The following KCNJ16 variants were observed in gnomAD, a reference collection of about 807,000 sequenced individuals.
The protein encoded by KCNJ16 is potassium inwardly rectifying channel subfamily J member 16, also known as inward rectifier potassium channel 16.
A neutral mutation model predicts 18.5 loss-of-function variants in KCNJ16; 15 were observed. The ratio of observed to expected loss-of-function variants is 0.81; its 90% CI spans 0.54 to 1.25. KCNJ16 has a LOEUF of 1.25. Ranked by LOEUF, KCNJ16 falls within the 50% of genes most tolerant of loss-of-function variation. The probability of loss-of-function intolerance (pLI) is 0.00; values close to 1 mark genes in which losing one functional copy is unlikely to be tolerated. For missense variants in KCNJ16, 523 were observed against 525.7 expected, an observed-to-expected ratio of 0.99 and a Z score of 0.05; for synonymous variants, 174 against 186.5, an observed-to-expected ratio of 0.93 and a Z score of 0.55.
At chr17:70,128,844 G>A (rs532691616) in intron 2 of KCNJ16, 2 of 152,388 alleles carry the variant, frequency 1.3e-5, no homozygotes, top group East Asian at 3.9e-4. Context: ...GAGCGCCTGG[G>A]TACAGACGGG....
intron 2 of KCNJ16, chr17:70,127,957 T>C (rs1209702193): frequency 6.6e-6 from 1 of 152,206 alleles, no homozygotes; most frequent in African/African-American, 2.4e-5. Context: ...TAACATATCA[T>C]GTTAAGTAGA....
rs1555589099 is a variant in KCNJ16 at position 70,103,286 on chromosome 17, A to ATGTGTGTGTGTGTGTGTG, written c.-191+2531_-191+2532insGTGTGTGTGTGTGTGTGT. Among the ~76,000 whole-genome samples, 639 of 103,710 alleles carry ATGTGTGTGTGTGTGTGTG rather than the reference A, an allele frequency of 6.2e-3. 7 individuals carry two copies. The highest frequency in any genetic ancestry group is 0.011 in the African/African-American group (278 of 25,408). The allele number at this position is 103,710 out of a possible 152,430, so 68.0% of individuals were successfully genotyped here. On this transcript the variant is annotated intron_variant, in intron 2 of 3. Transcript: ENST00000392671. The stretch of plus-strand genomic sequence containing the variant: ...GTATATGTGTATATAATATGCATAT[A>ATGTGTGTGTGTGTGTGTG]TGTGTGTGTGTATATATATATATAT...
At chr17:70,107,795 A>G (rs2073002953) in intron 2 of KCNJ16, among the ~76,000 whole-genome samples, 1 of 152,110 alleles carries the variant, frequency 6.6e-6, no homozygotes, top group Non-Finnish European at 1.5e-5. Context: ...TGTTTATCTC[A>G]TAAAATTGGA....
intron 1 of KCNJ16, among the ~76,000 whole-genome samples, chr17:70,091,450 G>C (rs962675150): frequency 7.9e-5 from 12 of 152,252 alleles, no homozygotes; most frequent in African/African-American, 2.4e-4. Flanking sequence ...GGAATAGTAC[G>C]CATTTACAGG....
intron 1 of KCNJ16, among the ~76,000 whole-genome samples, chr17:70,094,911 A>G (rs1171066788): frequency 6.6e-6 from 1 of 152,214 alleles, no homozygotes; most frequent in African/African-American, 2.4e-5. Context: ...AATCATCACC[A>G]GTCATCACTG....
At chr17:70,107,696 A>T (rs1371443420) in intron 2 of KCNJ16, among the ~76,000 whole-genome samples, 3 of 152,162 alleles carry the variant, frequency 2.0e-5, no homozygotes, top group Non-Finnish European at 4.4e-5. Flanking sequence ...TTTAAAAAAA[A>T]AATTAGAAGA....
chr17:70,082,610 C>G (rs2071602397), intron 1 of KCNJ16, among the ~76,000 whole-genome samples: 1 of 152,120 alleles, frequency 6.6e-6, no homozygotes, highest in African/African-American at 2.4e-5. Flanking sequence ...CAACTAACAC[C>G]AAAAACATGA....
chr17:70,085,162 A>C (rs1166359514), intron 1 of KCNJ16, among the ~76,000 whole-genome samples: 2 of 152,208 alleles, frequency 1.3e-5, no homozygotes, highest in Non-Finnish European at 2.9e-5. Flanking sequence ...ACTATTTCTG[A>C]ATCTTTCGTG....
chr17:70,124,906 G>T (rs546049691), intron 2 of KCNJ16, among the ~76,000 whole-genome samples: 86 of 152,150 alleles, frequency 5.7e-4, no homozygotes, highest in Admixed American at 4.1e-3. Flanking sequence ...GTTTGTGTGT[G>T]TGTGTTCAGA....
chr17:70,131,668 C>T (rs557267018), intron 3 of KCNJ16, among the ~76,000 whole-genome samples: 4 of 152,256 alleles, frequency 2.6e-5, no homozygotes, highest in South Asian at 4.1e-4. Flanking sequence ...TTTCTAAATG[C>T]CCTCATGCAA....
At chr17:70,128,512 C>T (rs2073937948) in intron 2 of KCNJ16, 4 of 152,114 alleles carry the variant, frequency 2.6e-5, no homozygotes, top group Admixed American at 2.6e-4. Flanking sequence ...GATGGAAACG[C>T]TTCACCAACC....
intron 1 of KCNJ16, among the ~76,000 whole-genome samples, chr17:70,092,569 A>AGAT (rs1555585508): frequency 4.2e-5 from 5 of 117,858 alleles, no homozygotes; most frequent in African/African-American, 1.1e-4. Context: ...TGATAGATAT[A>AGAT]GATAGATAGA....
At chr17:70,125,339 G>A (rs2073815427) in intron 2 of KCNJ16, among the ~76,000 whole-genome samples, 1 of 152,016 alleles carries the variant, frequency 6.6e-6, no homozygotes, top group South Asian at 2.1e-4. Context: ...AGGAACTAGT[G>A]AAAGGACAGA....
At chr17:70,124,285 T>G (rs1333883626) in intron 2 of KCNJ16, among the ~76,000 whole-genome samples, 1 of 152,216 alleles carries the variant, frequency 6.6e-6, no homozygotes, top group East Asian at 1.9e-4. Context: ...GTGTCCTCCA[T>G]GATAGTTACT....
chr17:70,075,624 G>A (rs2071272682), intron 1 of KCNJ16, among the ~76,000 whole-genome samples: 1 of 152,058 alleles, frequency 6.6e-6, no homozygotes, highest in African/African-American at 2.4e-5. Context: ...GTCTCACATT[G>A]GTGTTTACAG....
intron 1 of KCNJ16, among the ~76,000 whole-genome samples, chr17:70,084,094 A>T (rs1276764042): frequency 6.6e-6 from 1 of 152,232 alleles, no homozygotes; most frequent in Non-Finnish European, 1.5e-5. Context: ...GTGCCAGTAT[A>T]TCAGTGACAA....
At position 70,084,409 on chromosome 17, in the gene KCNJ16, C is replaced by T. The variant is rs940308152; in HGVS notation, c.-300+9019C>T. Among the ~76,000 whole-genome samples the T allele has an allele frequency of 6.6e-5, 10 of 152,284 alleles. 1 individual carries two copies. In the South Asian group the frequency reaches 1.5e-3, roughly 22 times the overall value. ...CCACCTGATGCGTGTTATGATAGAA[C>T]GGCTTGCTTCTTTAACACACATAAA... On this transcript the variant is annotated intron_variant, in intron 1 of 3. Transcript: ENST00000392671.
At chr17:70,078,005 G>C (rs1252361372) in intron 1 of KCNJ16, among the ~76,000 whole-genome samples, 1 of 152,090 alleles carries the variant, frequency 6.6e-6, no homozygotes, top group Non-Finnish European at 1.5e-5. Context: ...TCATGCTTTA[G>C]GGCCTATGGA....
intron 1 of KCNJ16, among the ~76,000 whole-genome samples, chr17:70,098,515 CTTCT>C (rs1276313482): frequency 2.0e-5 from 3 of 150,252 alleles, no homozygotes; most frequent in East Asian, 1.9e-4. Context: ...CAGTTGAAAT[CTTCT>C]TTCTTTTCCC....
Sources: gnomAD v4.1 joint callset for allele counts (sites outside exome capture counted in the v4.1 genomes callset) on GRCh38, gnomAD v4.1.1 for gene constraint, MANE v1.5 for transcripts, NCBI Gene and HGNC (gene_info 2026-07-23, HGNC 2026-07-21) for gene names.